Variants in DUOX2 observed in about 807,000 individuals in gnomAD.
DUOX2 encodes the protein dual oxidase 2, also known as NADH/NADPH thyroid oxidase p138-tox.
In DUOX2, 185 loss-of-function variants were observed where a neutral mutation model predicts 183.3. The ratio of observed to expected loss-of-function variants is 1.01; its 90% CI spans 0.90 to 1.14. The LOEUF (loss-of-function observed/expected upper bound fraction) is 1.14, where lower values mean the gene tolerates loss of function less well. Among genes scored for constraint, DUOX2 ranks in the 50% most tolerant of loss-of-function variants. The pLI is 0.00. For missense variants in DUOX2, 1,999 were observed against 2,022.9 expected, an observed-to-expected ratio of 0.99 and a Z score of 0.23; for synonymous variants, 788 against 812.4, an observed-to-expected ratio of 0.97 and a Z score of 0.51.
At chr15:45,110,059 G>T in intron 9 of DUOX2, 79 bp from the exon 10 acceptor site, 1 of 1,307,524 alleles carries the variant, frequency 7.6e-7, no homozygotes. Context: ...GAGGGACTCA[G>T]TGGGGGTTCA....
intron 14 of DUOX2, 33 bp downstream of exon 14, chr15:45,107,312 T>C (rs1157046860): frequency 6.2e-7 from 1 of 1,611,182 alleles, no homozygotes; most frequent in Non-Finnish European, 8.5e-7. Flanking sequence ...CTCTGGCCAC[T>C]GTCACTCACT....
chr15:45,102,134 G>A (rs557298104), intron 20 of DUOX2, 145 bp from the exon 21 acceptor site: 46 of 1,056,450 alleles, frequency 4.4e-5, no homozygotes, highest in South Asian at 2.4e-4. Context: ...CCAGCCTGCC[G>A]CTGACACTAA....
intron 12 of DUOX2, 137 bp from the exon 13 acceptor site, chr15:45,108,359 C>G: frequency 1.9e-6 from 2 of 1,045,124 alleles, no homozygotes; most frequent in Non-Finnish European, 2.8e-6. Context: ...TTAGGCAAGC[C>G]CCCTCAGGCA....
intron 25 of DUOX2, 29 bp downstream of exon 25, chr15:45,099,633 A>G: frequency 6.2e-7 from 1 of 1,613,224 alleles, no homozygotes; most frequent in Non-Finnish European, 8.5e-7. Flanking sequence ...GTGCTGCAGC[A>G]AAGAGGAAGA....
chr15:45,113,793 C>G (rs896228299), intron 1 of DUOX2, among the ~76,000 whole-genome samples, 180 bp downstream of exon 1: 4 of 152,174 alleles, frequency 2.6e-5, no homozygotes, highest in Non-Finnish European at 2.9e-5. Flanking sequence ...GCCCCCGATC[C>G]GTCAGGCTCC....
chr15:45,104,645 G>A (rs991151531), intron 18 of DUOX2, among the ~76,000 whole-genome samples: 3 of 152,172 alleles, frequency 2.0e-5, no homozygotes, highest in African/African-American at 7.2e-5. Flanking sequence ...CGAAGTTAAG[G>A]GGAATGGAAA....
At chr15:45,101,769 G>T (rs374057666) in intron 21 of DUOX2, 24 bp downstream of exon 21, 2 of 1,613,934 alleles carry the variant, frequency 1.2e-6, no homozygotes, top group African/African-American at 1.3e-5. Flanking sequence ...CCTCCCTGAC[G>T]CCAACCATTC....
Position 45,111,196 on chromosome 15 carries a change from G to A in DUOX2, c.797C>T (p.Ala266Val), listed in dbSNP as rs2043043871. The stretch of plus-strand genomic sequence containing the variant: ...TGGGTGCTGGCGGGCCAGCCTCTGC[G>A]CCCACAGGTTGTGGTAGCGGAACCA... ...LLWFRYHNLWAQRLARQHPDW... is the reference protein window; with the variant it reads ...LLWFRYHNLWVQRLARQHPDW... The change falls in exon 7 of 34, where the codon GCG becomes GTG. Residue 266 changes from alanine to valine, a missense_variant. Transcript: ENST00000389039. 1 of 1,260,554 alleles carries A rather than the reference G, an allele frequency of 7.9e-7. No homozygotes were observed. The highest frequency in any genetic ancestry group is 2.5e-5 in the East Asian group (1 of 39,276). 78.1% of individuals were successfully genotyped at this position (1,260,554 alleles called of 1,614,324 possible).
At position 45,094,251 on chromosome 15, in the gene DUOX2, T is replaced by A; in HGVS notation, c.4546A>T (p.Ser1516Cys). ...HPQVRKIGVF[S>C]CGPPGMTKNV... Reference sequence around the variant, plus strand: ...TTGGTCATTCCTGGAGGGCCGCAGCTGAACACCCCGATCTTGCGCACCTGT... The same window carrying A: ...TTGGTCATTCCTGGAGGGCCGCAGCAGAACACCCCGATCTTGCGCACCTGT... The change falls in exon 34 of 34, where the codon AGC (serine) becomes TGC (cysteine). Residue 1516 changes from serine to cysteine, a missense_variant. Transcript: ENST00000389039. 6.2e-7 allele frequency: 1 copy of A among 1,614,144 alleles called. No homozygotes were observed. Among genetic ancestry groups the A allele is most frequent in the Non-Finnish European group, 8.5e-7 (1 of 1,180,020 alleles).
In DUOX2 at chr15:45,112,707, G is replaced by C; in HGVS notation, c.172C>G (p.Gln58Glu). ...GCGTAATTGGCTGGTACGCGGCGCT[G>C]CAACCGGCAGCCTGCGGAGGCAGGG... ...HERGAVGCRL[Q>E]RRVPANYADG... is the part of the protein sequence containing the mutation. The change falls in exon 4 of 34, where the codon CAG becomes GAG. Residue 58 changes from glutamine to glutamate, a missense_variant. Gln to Glu is a conservative substitution (Grantham distance 29, BLOSUM62 2). Around this residue, in one of 3 missense-constraint regions of DUOX2, gnomAD observed 356 missense variants for 356.4 expected, o/e 1.00. Transcript: ENST00000389039. 6.2e-7 allele frequency: 1 copy of C among 1,611,700 alleles called. No individual in the cohort carries two copies. The highest frequency in any genetic ancestry group is 8.5e-7 in the Non-Finnish European group (1 of 1,179,884).
chr15:45,100,731 C>T (rs773450197), intron 23 of DUOX2, 24 bp downstream of exon 23: 1 of 1,606,460 alleles, frequency 6.2e-7, no homozygotes, highest in Non-Finnish European at 8.5e-7. Flanking sequence ...TCTCTTTGGG[C>T]CCAGGGATTT....
Position 45,108,789 on chromosome 15 carries a change from C to A in DUOX2, c.1398G>T (p.Gln466His), listed in dbSNP as rs748208532. 6.2e-7 allele frequency: 1 copy of A among 1,614,198 alleles called. No homozygotes were observed. Among genetic ancestry groups the A allele is most frequent in the East Asian group, 2.2e-5 (1 of 44,886 alleles). The change falls in exon 12 of 34, where the codon CAG (glutamine) becomes CAT (histidine). Residue 466 changes from glutamine (Q) to histidine (H), a missense_variant and splice_region_variant. This residue lies in a region of DUOX2 where 1,628 missense variants were observed against 1,608.6 expected (regional missense o/e 1.01). Coordinates refer to ENST00000389039, the MANE Select transcript of DUOX2 (RefSeq NM_001363711.2). ...CATTATTATCATTACTATTCCTGAC[C>A]TGGGGGTCCACATTAGGGTTGAGAT... Reference protein sequence around the residue: ...WSDLNPNVDPQVLEATAALYN... With the variant: ...WSDLNPNVDPHVLEATAALYN...
At chr15:45,108,674 T>G in intron 12 of DUOX2, 115 bp downstream of exon 12, 1 of 1,221,270 alleles carries the variant, frequency 8.2e-7, no homozygotes, top group Non-Finnish European at 1.2e-6. Flanking sequence ...AAAATGATTA[T>G]ACATACCTTA....
chr15:45,099,765 G>C lies in DUOX2; in HGVS notation c.3312C>G (p.Asn1104Lys). 6.2e-7 allele frequency: 1 copy of C among 1,614,228 alleles called. No homozygotes were observed. Among genetic ancestry groups the C allele is most frequent in the Non-Finnish European group, 8.5e-7 (1 of 1,180,054 alleles). The change falls in exon 25 of 34, where the codon AAC becomes AAG. Residue 1104 changes from asparagine (N) to lysine (K), a missense_variant. Asn to Lys is a moderately conservative substitution (Grantham distance 94). Transcript: ENST00000389039. ...AAGTCTCTCGCAGGAAGGTTATGAGGTTGCGGCACATGGTGAGCAAGATAT... is the reference window on the plus strand; with the variant it reads ...AAGTCTCTCGCAGGAAGGTTATGAGCTTGCGGCACATGGTGAGCAAGATAT... ...FSYILLTMCR[N>K]LITFLRETFL... is the part of the protein sequence containing the mutation.
intron 14 of DUOX2, 146 bp from the exon 15 acceptor site, chr15:45,107,115 C>T: frequency 7.7e-7 from 1 of 1,306,152 alleles, no homozygotes; most frequent in Non-Finnish European, 1.1e-6. Context: ...AAAAAGTCCC[C>T]ATTCATTTCC....
In DUOX2 at chr15:45,094,544, G is replaced by C; in HGVS notation, c.4524+19C>G. The C allele has an allele frequency of 1.9e-6, 3 of 1,608,586 alleles. No individual in the cohort carries two copies. The highest frequency in any genetic ancestry group is 2.5e-6 in the Non-Finnish European group (3 of 1,177,652). On this transcript the variant is annotated intron_variant, in intron 33 of 33. Coordinates refer to ENST00000389039, the MANE Select transcript of DUOX2 (RefSeq NM_001363711.2). The stretch of plus-strand genomic sequence containing the variant: ...CAGGAGAAGGCCAGAGTCCCAGGGT[G>C]GGAGGGAGTGGGACTGACCTGTGGG...
chr15:45,099,333 C>T (rs1893996977), intron 26 of DUOX2, 50 bp downstream of exon 26: 4 of 1,552,378 alleles, frequency 2.6e-6, no homozygotes, highest in Admixed American at 1.7e-5. Flanking sequence ...TTCTATTATA[C>T]CCTTGGGCCC....
chr15:45,113,405 G>T lies in DUOX2; in HGVS notation c.7C>A (p.Arg3Ser), dbSNP rs940341622. ...AGCATCAGTGCCTCTGGTCTTGCAC[G>T]GAGCATGCCAACCCTGCAGCCTGCG... Reference protein sequence around the residue: MLRARPEALMLLG... With the variant: MLSARPEALMLLG... Residue 3 changes from arginine to serine, a missense_variant, in exon 2 of 34, where the codon CGT becomes AGT. By Grantham distance (110) the Arg-to-Ser change is moderately radical. Coordinates refer to ENST00000389039, the MANE Select transcript of DUOX2 (RefSeq NM_001363711.2). 6.4e-7 allele frequency: 1 copy of T among 1,562,914 alleles called. No homozygotes were observed. Among genetic ancestry groups the T allele is most frequent in the East Asian group, 2.4e-5 (1 of 42,050 alleles).
Position 45,104,206 on chromosome 15 carries a change from C to G in DUOX2, c.2494G>C (p.Asp832His). ...GACAGGTAGCCATTGCCATCCTTGTCAGCCAGAGAGAACATGGACTCCACA... is the reference window on the plus strand; with the variant it reads ...GACAGGTAGCCATTGCCATCCTTGTGAGCCAGAGAGAACATGGACTCCACA... The part of the protein sequence containing the change: ...MFVESMFSLA[D>H]KDGNGYLSFR... The change falls in exon 19 of 34, where the codon GAC becomes CAC. Residue 832 changes from aspartate (D) to histidine (H), a missense_variant. Physicochemically the swap from Asp to His is moderately conservative, Grantham distance 81. This residue lies in a region of DUOX2 where 1,628 missense variants were observed against 1,608.6 expected (regional missense o/e 1.01). Coordinates refer to ENST00000389039, the MANE Select transcript of DUOX2 (RefSeq NM_001363711.2). 1 of 1,614,124 alleles carries G rather than the reference C, an allele frequency of 6.2e-7. No homozygotes were observed. The highest frequency in any genetic ancestry group is 8.5e-7 in the Non-Finnish European group (1 of 1,180,016).
Sources: gnomAD v4.1 joint callset for allele counts (sites outside exome capture counted in the v4.1 genomes callset) on GRCh38, gnomAD v4.1.1 for gene constraint, gnomAD v4.1.1 regional missense constraint, MANE v1.5 for transcripts, NCBI Gene and HGNC (gene_info 2026-07-23, HGNC 2026-07-21) for gene names.